BLTP3A: variants seen among roughly 807,000 people sequenced by gnomAD.
The protein encoded by BLTP3A is bridge-like lipid transfer protein family member 3A, also known as ICBP90 binding protein 1.
the BLTP3A span, chr6:34,867,721 G>A: frequency 2.6e-5 from 37 of 1,400,722 alleles, no homozygotes; most frequent in Non-Finnish European, 3.5e-5. Flanking sequence ...CTCTACTAGT[G>A]CCAAGTTCTC....
chr6:34,808,346 CAAAAAAAAAAA>C, the BLTP3A span, among the ~76,000 whole-genome samples: 3 of 26,732 alleles, frequency 1.1e-4, no homozygotes, highest in South Asian at 3.9e-3. Flanking sequence ...AACTCCGTCT[CAAAAAAAAAAA>C]AAAAAAAAAA....
At chr6:34,867,043 C>T in the BLTP3A span, among the ~76,000 whole-genome samples, 6 of 152,076 alleles carry the variant, frequency 3.9e-5, no homozygotes, top group African/African-American at 1.5e-4. Context: ...TGTCATTACA[C>T]TTTAAAAAAT....
chr6:34,799,719 T>G, the BLTP3A span, among the ~76,000 whole-genome samples: 16 of 152,342 alleles, frequency 1.1e-4, no homozygotes, highest in African/African-American at 3.6e-4. Context: ...GTTTTTTAGC[T>G]TCTCCAAGTT....
the BLTP3A span, among the ~76,000 whole-genome samples, chr6:34,865,074 A>G: frequency 6.6e-6 from 1 of 152,160 alleles, no homozygotes. Flanking sequence ...ACACACACAC[A>G]TACAGTGTGG....
At chr6:34,857,692 A>G in the BLTP3A span, 1 of 1,595,916 alleles carries the variant, frequency 6.3e-7, no homozygotes. Flanking sequence ...TGCTTTTTAC[A>G]GGATGTTTCT....
At chr6:34,798,635 A>T in the BLTP3A span, among the ~76,000 whole-genome samples, 1 of 116,060 alleles carries the variant, frequency 8.6e-6, no homozygotes, top group African/African-American at 3.4e-5. Context: ...GGTAAACAAG[A>T]TAGGTATTTT....
the BLTP3A span, chr6:34,867,663 A>C: frequency 6.3e-7 from 1 of 1,580,880 alleles, no homozygotes; most frequent in Non-Finnish European, 8.6e-7. Flanking sequence ...CTTGTCTAGG[A>C]CAGCCATAGA....
chr6:34,871,903 C>T, the BLTP3A span: 17 of 1,614,154 alleles, frequency 1.1e-5, no homozygotes, highest in Non-Finnish European at 1.4e-5. Flanking sequence ...TTGGTGCCCA[C>T]AGGAGAGGTT....
chr6:34,843,464 A>C, the BLTP3A span, among the ~76,000 whole-genome samples: 1 of 151,924 alleles, frequency 6.6e-6, no homozygotes. Flanking sequence ...TTTCTTTTTA[A>C]TTTTTATGGG....
chr6:34,835,230 C>A, the BLTP3A span: 1 of 1,548,188 alleles, frequency 6.5e-7, no homozygotes, highest in South Asian at 1.2e-5. Context: ...GATTGGGCAA[C>A]AGTCACTTTG....
At chr6:34,858,676 C>T in the BLTP3A span, 92 of 1,614,158 alleles carry the variant, frequency 5.7e-5, 1 homozygote, top group Non-Finnish European at 6.9e-5. Flanking sequence ...GTCCCATCCG[C>T]GGTCAAAGAC....
the BLTP3A span, among the ~76,000 whole-genome samples, chr6:34,847,923 T>TTCTTTTTTTTC: frequency 8.1e-6 from 1 of 123,854 alleles, no homozygotes; most frequent in African/African-American, 3.4e-5. Flanking sequence ...TTTTTTTCCT[T>TTCTTTTTTTTC]TTTTTTTTTT....
chr6:34,859,353 G>A, the BLTP3A span: 878 of 1,614,154 alleles, frequency 5.4e-4, 5 homozygotes, highest in African/African-American at 9.8e-3. Context: ...CTGGCAGGGA[G>A]ACTGCTGTGA....
At chr6:34,805,690 C>A in the BLTP3A span, among the ~76,000 whole-genome samples, 1 of 142,604 alleles carries the variant, frequency 7.0e-6, no homozygotes, top group Middle Eastern at 3.4e-3. Context: ...TTGAGCCTGC[C>A]CAGGAGTTCA....
chr6:34,849,274 T>A, the BLTP3A span, among the ~76,000 whole-genome samples: 1 of 152,028 alleles, frequency 6.6e-6, no homozygotes, highest in Non-Finnish European at 1.5e-5. Flanking sequence ...ACTACAGGCA[T>A]GCACCACCAC....
the BLTP3A span, among the ~76,000 whole-genome samples, chr6:34,816,413 C>T: frequency 6.6e-6 from 1 of 151,784 alleles, no homozygotes; most frequent in South Asian, 2.1e-4. Flanking sequence ...AGTTCCAGAC[C>T]AGCCTGGGTA....
At chr6:34,802,561 A>C in the BLTP3A span, among the ~76,000 whole-genome samples, 1 of 151,962 alleles carries the variant, frequency 6.6e-6, no homozygotes. Flanking sequence ...GGGTTTCACC[A>C]TGTTGGCCAG....
chr6:34,847,984 A>G, the BLTP3A span, among the ~76,000 whole-genome samples: 1 of 136,226 alleles, frequency 7.3e-6, no homozygotes, highest in African/African-American at 2.9e-5. Context: ...CAGTGGCGTA[A>G]TCTCAGCTCA....
the BLTP3A span, among the ~76,000 whole-genome samples, chr6:34,808,102 G>T: frequency 2.0e-5 from 3 of 151,770 alleles, no homozygotes; most frequent in Admixed American, 6.6e-5. Flanking sequence ...CCAGTACTTT[G>T]GGAGGCCGAG....
Sources: allele counts gnomAD v4.1 joint callset (sites outside exome capture counted in the v4.1 genomes callset), GRCh38; gene constraint gnomAD v4.1.1; transcripts MANE v1.5; gene names NCBI Gene and HGNC (gene_info 2026-07-23, HGNC 2026-07-21).